The following PTPRD variants were observed in gnomAD, a reference collection of about 807,000 sequenced individuals.
The protein encoded by PTPRD is receptor-type tyrosine-protein phosphatase delta.
In PTPRD, 34 loss-of-function variants were observed where a neutral mutation model predicts 214.5. The ratio of observed to expected loss-of-function variants is 0.16; its 90% CI spans 0.12 to 0.21. The LOEUF is 0.21. Among genes scored for constraint, PTPRD ranks in the 10% least tolerant of loss-of-function variants. The pLI, the probability that PTPRD is intolerant of heterozygous loss-of-function variation, is 1.00. For missense variants in PTPRD, 2,545 were observed against 2,398.7 expected (o/e 1.06, Z -1.27); for synonymous variants, 1,128 against 845.7 (o/e 1.33, Z -5.79).
chr9:10,002,571 C>T (rs2096353199), intron 4 of PTPRD, among the ~76,000 whole-genome samples: 1 of 150,378 alleles, frequency 6.6e-6, no homozygotes, highest in Non-Finnish European at 1.5e-5. Context: ...CTTAAACCTA[C>T]AAAATTTTAC....
intron 8 of PTPRD, among the ~76,000 whole-genome samples, chr9:9,564,734 G>GAATT (rs1195440207): frequency 6.6e-6 from 1 of 151,850 alleles, no homozygotes; most frequent in Non-Finnish European, 1.5e-5. Context: ...ACCCATCTCT[G>GAATT]AATTGTTTTT....
chr9:8,382,274 C>A (rs931514778), intron 37 of PTPRD, among the ~76,000 whole-genome samples: 4 of 152,178 alleles, frequency 2.6e-5, no homozygotes, highest in African/African-American at 9.7e-5. Context: ...AAAAACCAAA[C>A]ATTGGACCCT....
intron 10 of PTPRD, among the ~76,000 whole-genome samples, chr9:9,096,392 T>C (rs908034972): frequency 6.6e-6 from 1 of 152,128 alleles, no homozygotes; most frequent in East Asian, 1.9e-4. Context: ...AAGAAACAAT[T>C]GTCAATCTCA....
At chr9:10,090,330 C>T (rs1172117934) in intron 3 of PTPRD, among the ~76,000 whole-genome samples, 2 of 151,434 alleles carry the variant, frequency 1.3e-5, no homozygotes. Context: ...TCACCAAGTA[C>T]CTTAGTCATT....
At chr9:10,432,177 A>G (rs1174500657) in intron 2 of PTPRD, among the ~76,000 whole-genome samples, 1 of 151,216 alleles carries the variant, frequency 6.6e-6, no homozygotes, top group Non-Finnish European at 1.5e-5. Flanking sequence ...TCAGTAAACT[A>G]TCGCAAGAAC....
chr9:8,639,063 G>A (rs1201436990), intron 12 of PTPRD, among the ~76,000 whole-genome samples: 8 of 152,168 alleles, frequency 5.3e-5, no homozygotes, highest in Middle Eastern at 3.4e-3. Context: ...GAATGGTCTC[G>A]ATCTCGTCAC....
At chr9:10,079,325 A>G (rs2098191532) in intron 3 of PTPRD, among the ~76,000 whole-genome samples, 1 of 152,056 alleles carries the variant, frequency 6.6e-6, no homozygotes, top group African/African-American at 2.4e-5. Context: ...ACTGTTGGCC[A>G]CGTATGCAGG....
At chr9:8,808,168 G>A (rs1255740096) in intron 11 of PTPRD, among the ~76,000 whole-genome samples, 4 of 151,970 alleles carry the variant, frequency 2.6e-5, no homozygotes, top group South Asian at 2.1e-4. Flanking sequence ...ATGTCTAACC[G>A]ATTTAGGATT....
intron 8 of PTPRD, among the ~76,000 whole-genome samples, chr9:9,513,236 A>G (rs2096752147): frequency 6.6e-6 from 1 of 152,040 alleles, no homozygotes; most frequent in Non-Finnish European, 1.5e-5. Context: ...AAACAAAGTG[A>G]TGACTTTTAC....
intron 7 of PTPRD, among the ~76,000 whole-genome samples, chr9:9,698,858 A>T (rs76156299): frequency 9.1e-4 from 139 of 152,318 alleles, no homozygotes; most frequent in African/African-American, 2.9e-3. Flanking sequence ...TAGCCTAACA[A>T]CATAGCCTAA....
chr9:8,885,965 G>C (rs544553425), intron 11 of PTPRD, among the ~76,000 whole-genome samples: 4 of 152,192 alleles, frequency 2.6e-5, no homozygotes, highest in South Asian at 2.1e-4. Flanking sequence ...ATACGACCTA[G>C]CAGATTTTTG....
At chr9:10,076,170 G>C (rs2098128891) in intron 3 of PTPRD, among the ~76,000 whole-genome samples, 1 of 152,014 alleles carries the variant, frequency 6.6e-6, no homozygotes, top group African/African-American at 2.4e-5. Context: ...TTGAGTGCAG[G>C]TTTGAGGGTC....
At position 8,917,052 on chromosome 9, in the gene PTPRD, T is replaced by G. The variant is rs1486804282; in HGVS notation, c.-104+101645A>C. 2.0e-5 allele frequency among the ~76,000 whole-genome samples: 3 copies of G among 148,796 alleles called. No individual in the cohort carries two copies. In the East Asian group the frequency reaches 5.8e-4, roughly 29 times the overall value. On this transcript the variant is annotated intron_variant, in intron 11 of 45. Coordinates refer to ENST00000381196, the MANE Select transcript of PTPRD (RefSeq NM_002839.4). ...CAAAGACTTGTTTTTGACATTTTCT[T>G]TCTTTTTTTTTTTTTTTTACAATCC...
At chr9:10,512,313 T>G (rs894117525) in intron 2 of PTPRD, among the ~76,000 whole-genome samples, 1 of 151,690 alleles carries the variant, frequency 6.6e-6, no homozygotes, top group African/African-American at 2.4e-5. Context: ...ACTATGTGAG[T>G]AGAAGATTTC....
intron 9 of PTPRD, among the ~76,000 whole-genome samples, chr9:9,316,007 C>A (rs1016549841): frequency 6.6e-6 from 1 of 151,628 alleles, no homozygotes; most frequent in Non-Finnish European, 1.5e-5. Flanking sequence ...ATAAAGTATA[C>A]CAGTATGCAA....
chr9:8,408,254 G>A (rs951111390), intron 35 of PTPRD, among the ~76,000 whole-genome samples: 5 of 152,116 alleles, frequency 3.3e-5, no homozygotes, highest in African/African-American at 1.2e-4. Flanking sequence ...CTAAGCTGAG[G>A]TTACCCAAAT....
chr9:8,922,779 T>C (rs1188351832), intron 11 of PTPRD, among the ~76,000 whole-genome samples: 3 of 151,878 alleles, frequency 2.0e-5, no homozygotes, highest in Admixed American at 2.0e-4. Context: ...CCCGAGTAGC[T>C]GGGACTACAG....
chr9:8,376,169 G>A (rs2134854469), intron 38 of PTPRD, 79 bp from the exon 39 acceptor site: 1 of 1,496,774 alleles, frequency 6.7e-7, no homozygotes, highest in East Asian at 2.3e-5. Context: ...AAGAGGTAAT[G>A]CTAAAATGTG....
chr9:8,512,068 T>C (rs2097693862), intron 21 of PTPRD, among the ~76,000 whole-genome samples: 1 of 152,134 alleles, frequency 6.6e-6, no homozygotes. Flanking sequence ...CTTGCTATAG[T>C]ATAAATATGA....
Sources: gnomAD v4.1 joint callset for allele counts (sites outside exome capture counted in the v4.1 genomes callset) on GRCh38, gnomAD v4.1.1 for gene constraint, MANE v1.5 for transcripts, NCBI Gene and HGNC (gene_info 2026-07-23, HGNC 2026-07-21) for gene names.